ZNF717: variants seen among roughly 807,000 people sequenced by gnomAD.
ZNF717 encodes zinc finger protein 717.
In ZNF717, 9 loss-of-function variants were observed where a neutral mutation model predicts 13.8. The observed-to-expected ratio is 0.65, with a 90% CI of 0.39 to 1.14. ZNF717 has a LOEUF of 1.14. Ranked by LOEUF, ZNF717 falls within the 50% of genes most tolerant of loss-of-function variation. The probability of loss-of-function intolerance (pLI) is 0.01; values close to 1 mark genes in which losing one functional copy is unlikely to be tolerated. For synonymous variants in ZNF717, 327 were observed against 364.1 expected (o/e 0.90, Z 1.16); for missense variants, 1,040 against 1,080.7 (o/e 0.96, Z 0.53).
chr3:75,717,249 A>T (rs1362527507), intron 4 of ZNF717, among the ~76,000 whole-genome samples: 2 of 152,272 alleles, frequency 1.3e-5, no homozygotes, highest in African/African-American at 4.8e-5. Context: ...AGACAGTGTG[A>T]TAGGTATGTC....
Position 75,697,986 on chromosome 3 carries a change from C to T in ZNF717, n.1085+13201G>A, listed in dbSNP as rs1452418566. On this transcript the variant is annotated intron_variant and non_coding_transcript_variant, in intron 6 of 6. Coordinates refer to the ZNF717 transcript ENST00000648506. ...CCAAAACAAAGGTCACGCATGTTGT[C>T]TTAGCAAAGTGGTTGGCTGAATTTC... Among the ~76,000 whole-genome samples, 8 of 152,364 alleles carry T rather than the reference C, an allele frequency of 5.3e-5. No homozygotes were observed. The South Asian group carries it at 1.3e-3, about 24-fold the overall frequency.
At chr3:75,776,698 T>C (rs572486332) in intron 2 of ZNF717, among the ~76,000 whole-genome samples, 4 of 152,300 alleles carry the variant, frequency 2.6e-5, no homozygotes, top group South Asian at 4.1e-4. Flanking sequence ...CGTATACCCA[T>C]TGGAACCCTT....
At chr3:75,706,976 A>T, downstream of ZNF717, among the ~76,000 whole-genome samples, 1 of 152,304 alleles carries the variant, frequency 6.6e-6, no homozygotes, top group Non-Finnish European at 1.5e-5. Context: ...GGAGAGGTTT[A>T]TTGACTCAGA....
At chr3:75,783,941 T>G (rs1427926361) in intron 1 of ZNF717, among the ~76,000 whole-genome samples, 1 of 152,240 alleles carries the variant, frequency 6.6e-6, no homozygotes, top group Non-Finnish European at 1.5e-5. Flanking sequence ...CCTTTCCCTG[T>G]ATCCAAGCCC....
chr3:75,712,889 T>TTATATA lies in ZNF717; in HGVS notation n.668-1574_668-1573insTATATA, dbSNP rs1360000733. ...TAAAGAGCATATTTGTATGCATTTC[T>TTATATA]TATACATTTTTTCTTATTAAAAATT... is the stretch of plus-strand genomic sequence containing the variant. On this transcript the variant is annotated intron_variant and non_coding_transcript_variant, in intron 5 of 5. Coordinates refer to the ZNF717 transcript ENST00000491507. Among the ~76,000 whole-genome samples, 852 of 152,172 alleles carry TTATATA rather than the reference T, an allele frequency of 5.6e-3. 10 individuals carry two copies. Among genetic ancestry groups the TTATATA allele is most frequent in the Non-Finnish European group, 4.5e-3 (305 of 68,012 alleles).
chr3:75,727,101 A>T (rs1938298447), downstream of ZNF717, among the ~76,000 whole-genome samples: 1 of 152,262 alleles, frequency 6.6e-6, no homozygotes, highest in African/African-American at 2.4e-5. Flanking sequence ...TAGTTCCCAA[A>T]ATTAATACTT....
chr3:75,715,796 G>A (rs139820167), intron 5 of ZNF717, among the ~76,000 whole-genome samples: 1 of 152,048 alleles, frequency 6.6e-6, no homozygotes, highest in South Asian at 2.1e-4. Flanking sequence ...AACTCTACAT[G>A]TTAACTCTAT....
rs1306564035 is a variant in ZNF717 at position 75,737,165 on chromosome 3, T to C, written c.2458A>G (p.Arg820Gly). 2 of 1,557,386 alleles carry C rather than the reference T, an allele frequency of 1.3e-6. No homozygotes were observed. The highest frequency in any genetic ancestry group is 2.4e-5 in the East Asian group (1 of 41,178). The change falls in exon 5 of 5, where the codon AGG (arginine) becomes GGG (glycine). Residue 820 changes from arginine (R) to glycine (G), a missense_variant. This residue lies in a region of ZNF717 where 873 missense variants were observed against 832.8 expected (regional missense o/e 1.05). Coordinates refer to ENST00000652011, the MANE Select transcript of ZNF717 (RefSeq NM_001290208.3). ...GEKPFECKEC[R>G]KTFSQKSKLF... ...TTTGACTTCTGGGAGAAGGTTTTCC[T>C]ACATTCTTTACATTCAAATGGCTTC...
intron 2 of ZNF717, among the ~76,000 whole-genome samples, chr3:75,774,862 G>A (rs4974325): frequency 0.16 from 24,539 of 151,352 alleles, 1,593 homozygotes; most frequent in African/African-American, 0.17. Flanking sequence ...CTCGTGATCC[G>A]TCCATCTCGG....
chr3:75,779,085 G>A (rs1378892361), intron 2 of ZNF717, among the ~76,000 whole-genome samples: 2 of 151,694 alleles, frequency 1.3e-5, no homozygotes, highest in South Asian at 2.1e-4. Context: ...GGAGTGACCT[G>A]CTAAACTAGG....
At chr3:75,728,582 T>C (rs569816217), downstream of ZNF717, among the ~76,000 whole-genome samples, 271 of 139,944 alleles carry the variant, frequency 1.9e-3, no homozygotes, top group African/African-American at 6.8e-3. Context: ...GTTTCCTCTA[T>C]GCTGTTCTCA....
At position 75,719,284 on chromosome 3, in the gene ZNF717, C is replaced by CA. The variant is rs58182512; in HGVS notation, n.545-2744dup. On this transcript the variant is annotated intron_variant and non_coding_transcript_variant, in intron 4 of 5. Coordinates refer to the ZNF717 transcript ENST00000491507. ...TGGGTGATAGAGTGTCACCCTGTCT[C>CA]AAAAAAAAAAAAAAGAATATTAAAA... Among the ~76,000 whole-genome samples the CA allele has an allele frequency of 5.4e-3, 720 of 134,356 alleles. 5 individuals are homozygous for CA. The highest frequency in any genetic ancestry group is 7.5e-3 in the Middle Eastern group (2 of 268). 88.1% of individuals were successfully genotyped at this position (134,356 alleles called of 152,430 possible). A position where few individuals can be genotyped will look rare whatever the true frequency, so the allele number is the denominator to read the frequency against.
intron 2 of ZNF717, among the ~76,000 whole-genome samples, chr3:75,746,316 A>C (rs1461302152): frequency 4.6e-5 from 7 of 152,154 alleles, no homozygotes; most frequent in African/African-American, 1.7e-4. Context: ...AGTCTTTGCT[A>C]TTGTGAGTAG....
intron 4 of ZNF717, among the ~76,000 whole-genome samples, chr3:75,716,745 G>A (rs1938063384): frequency 1.3e-5 from 2 of 152,164 alleles, no homozygotes; most frequent in Admixed American, 1.3e-4. Flanking sequence ...TGGTTAGTTA[G>A]GGAGAACATC....
chr3:75,741,987 T>C, intron 2 of ZNF717: 1 of 493,078 alleles, frequency 2.0e-6, no homozygotes, highest in Admixed American at 3.9e-5. Flanking sequence ...ACATAAGATG[T>C]AGTTTGTTTT....
chr3:75,738,071 A>C lies in ZNF717; in HGVS notation c.1552T>G (p.Cys518Gly). ...TGATGGACAGTGAGGAATGACTTAC[A>C]GCGAAAGGTTTTCCCACATTCATTG... ...ECNECGKTFR[C>G]KSFLTVHQRT... The change falls in exon 5 of 5, where the codon TGT becomes GGT. Residue 518 changes from cysteine to glycine, a missense_variant. By Grantham distance (159) the Cys-to-Gly change is radical (BLOSUM62 -3). Around this residue, in one of 3 missense-constraint regions of ZNF717, gnomAD observed 873 missense variants for 832.8 expected, o/e 1.05. Coordinates refer to ENST00000652011, the MANE Select transcript of ZNF717 (RefSeq NM_001290208.3). 7.4e-7 allele frequency: 1 copy of C among 1,345,182 alleles called. No individual in the cohort carries two copies. Among genetic ancestry groups the C allele is most frequent in the Non-Finnish European group, 9.9e-7 (1 of 1,007,804 alleles). 83.3% of individuals were successfully genotyped at this position (1,345,182 alleles called of 1,614,324 possible). A position where few individuals can be genotyped will look rare whatever the true frequency, so the allele number is the denominator to read the frequency against.
downstream of ZNF717, among the ~76,000 whole-genome samples, chr3:75,729,403 G>A (rs1425537906): frequency 2.0e-5 from 3 of 152,242 alleles, no homozygotes; most frequent in Non-Finnish European, 4.4e-5. Context: ...ATCACCTGAG[G>A]TCAGGAGTTC....
chr3:75,738,482 G>A lies in ZNF717; in HGVS notation c.1141C>T (p.Leu381Phe), dbSNP rs369083569. The part of the protein sequence containing the change: ...ECGKTFHCKS[L>F]LTLHHRTHSG... ...TGAGTTCTGTGATGTAAAGTGAGAA[G>A]TGACTTACAGTGAAAAGTTTTTCCA... is the stretch of plus-strand genomic sequence containing the variant. The change falls in exon 5 of 5, where the codon CTT (leucine) becomes TTT (phenylalanine). Residue 381 changes from leucine (L) to phenylalanine (F), a missense_variant. Leu to Phe is a conservative substitution (Grantham distance 22). This residue lies in a region of ZNF717 where 873 missense variants were observed against 832.8 expected (regional missense o/e 1.05). Transcript: ENST00000652011. 8.5e-6 allele frequency: 13 copies of A among 1,531,126 alleles called. No individual in the cohort carries two copies. The highest frequency in any genetic ancestry group is 2.8e-5 in the African/African-American group (2 of 72,436). The allele number at this position is 1,531,126 out of a possible 1,614,324, so 94.8% of individuals were successfully genotyped here.
downstream of ZNF717, among the ~76,000 whole-genome samples, chr3:75,732,893 C>T (rs1262801170): frequency 6.6e-6 from 1 of 151,992 alleles, no homozygotes; most frequent in East Asian, 1.9e-4. Context: ...ATCATCAGAA[C>T]CAGACACACC....
Sources: allele counts gnomAD v4.1 joint callset (sites outside exome capture counted in the v4.1 genomes callset), GRCh38; gene constraint gnomAD v4.1.1; regional missense constraint gnomAD v4.1.1; transcripts MANE v1.5; gene names NCBI Gene and HGNC (gene_info 2026-07-23, HGNC 2026-07-21).